VPS54: variants seen among roughly 807,000 people sequenced by gnomAD.
VPS54 encodes VPS54 subunit of GARP complex.
VPS54 carries 45 observed loss-of-function variants against 121.5 expected under a neutral mutation model. The observed-to-expected ratio is 0.37, with a 90% CI of 0.29 to 0.47. The LOEUF (loss-of-function observed/expected upper bound fraction) is 0.47, where lower values mean the gene tolerates loss of function less well. VPS54 is among the 20% of genes least tolerant of loss of function. The probability of loss-of-function intolerance (pLI) is 0.99; values close to 1 mark genes in which losing one functional copy is unlikely to be tolerated. For synonymous variants in VPS54, 371 were observed against 385.8 expected (o/e 0.96, Z 0.45); for missense variants, 1,090 against 1,131.4 (o/e 0.96, Z 0.52).
At chr2:64,000,358 T>C (rs1031529635) in intron 1 of VPS54, among the ~76,000 whole-genome samples, 4 of 152,254 alleles carry the variant, frequency 2.6e-5, no homozygotes, top group African/African-American at 9.6e-5. Context: ...GTTTGAAAGG[T>C]CACATAACTC....
At chr2:63,934,078 A>G (rs1443038512) in intron 11 of VPS54, 65 bp from the exon 12 acceptor site, 6 of 1,402,902 alleles carry the variant, frequency 4.3e-6, no homozygotes, top group Non-Finnish European at 5.8e-6. Context: ...TTCCCAAAAG[A>G]GAATTCTGTG....
intron 12 of VPS54, among the ~76,000 whole-genome samples, chr2:63,930,273 C>T (rs774910087): frequency 2.7e-4 from 41 of 152,062 alleles, no homozygotes; most frequent in Non-Finnish European, 4.3e-4. Flanking sequence ...AACAAAATAC[C>T]GGCAAACCGA....
intron 6 of VPS54, among the ~76,000 whole-genome samples, chr2:63,963,265 A>AT (rs947910197): frequency 3.3e-5 from 5 of 152,044 alleles, no homozygotes; most frequent in African/African-American, 1.2e-4. Flanking sequence ...GCTCATATAT[A>AT]TTTTTTTAGT....
intron 6 of VPS54, among the ~76,000 whole-genome samples, chr2:63,963,461 C>T (rs890954314): frequency 6.6e-6 from 1 of 152,022 alleles, no homozygotes; most frequent in Admixed American, 6.6e-5. Flanking sequence ...ACAGCTCAGA[C>T]TTCGGGCATT....
At chr2:63,907,945 T>C (rs1045033972) in intron 20 of VPS54, among the ~76,000 whole-genome samples, 1 of 152,204 alleles carries the variant, frequency 6.6e-6, no homozygotes, top group East Asian at 1.9e-4. Context: ...CTCTTCTACA[T>C]GGCAAGTAAA....
intron 11 of VPS54, among the ~76,000 whole-genome samples, chr2:63,939,804 A>G (rs1051510328): frequency 4.6e-5 from 7 of 151,204 alleles, no homozygotes; most frequent in African/African-American, 1.5e-4. Flanking sequence ...CTCCGTCACC[A>G]GGCTGGAGTA....
Position 63,892,229 on chromosome 2 carries a change from A to G in VPS54, c.*1201T>C, listed in dbSNP as rs1353669874. 2.6e-5 allele frequency: 4 copies of G among 152,224 alleles called. No individual in the cohort carries two copies. Among genetic ancestry groups the G allele is most frequent in the Non-Finnish European group, 5.9e-5 (4 of 68,032 alleles). The allele number at this position is 152,224 out of a possible 1,614,324, so 9.4% of individuals were successfully genotyped here. On this transcript the variant is annotated 3_prime_UTR_variant, in exon 23 of 23. Coordinates refer to ENST00000272322, the MANE Select transcript of VPS54 (RefSeq NM_016516.3). ...TCTGTAATGATAAAGGAAAGAAAACAAGCTTTCCTTTTAAGAAACCAAAGA... is the reference window on the plus strand; with the variant it reads ...TCTGTAATGATAAAGGAAAGAAAACGAGCTTTCCTTTTAAGAAACCAAAGA...
rs1490685628 is a variant in VPS54, at chr2:63,893,555, TTA to T, written c.2829-22_2829-21del. The stretch of plus-strand genomic sequence containing the variant: ...ACCAACCTAAATAATGGAGAGAAAA[TTA>T]TTTTTTAAATCTCAAACTTTCTATT... On this transcript the variant is annotated intron_variant, in intron 22 of 22. Coordinates refer to ENST00000272322, the MANE Select transcript of VPS54 (RefSeq NM_016516.3). 2 of 1,594,144 alleles carry T rather than the reference TTA, an allele frequency of 1.3e-6. No individual in the cohort carries two copies. The highest frequency in any genetic ancestry group is 1.7e-6 in the Non-Finnish European group (2 of 1,168,582).
At chr2:63,913,700 A>G (rs1039884817) in intron 17 of VPS54, 5 of 356,660 alleles carry the variant, frequency 1.4e-5, no homozygotes, top group Non-Finnish European at 2.0e-5. Context: ...TTTGAAAAAA[A>G]TAATAAAGCA....
chr2:63,894,800 T>C (rs1238276012), intron 22 of VPS54, among the ~76,000 whole-genome samples: 1 of 151,904 alleles, frequency 6.6e-6, no homozygotes, highest in Admixed American at 6.6e-5. Context: ...AAATGCCTAG[T>C]AGAAAGCAAG....
intron 1 of VPS54, among the ~76,000 whole-genome samples, chr2:64,015,741 T>C (rs1013168882): frequency 1.3e-5 from 2 of 150,612 alleles, no homozygotes; most frequent in Admixed American, 1.3e-4. Context: ...CTGTTAATTA[T>C]ATTTTTTTAA....
intron 1 of VPS54, among the ~76,000 whole-genome samples, chr2:64,014,367 G>A (rs1488064874): frequency 1.3e-5 from 2 of 152,050 alleles, no homozygotes; most frequent in Non-Finnish European, 2.9e-5. Context: ...ATATTTTCAA[G>A]TCTTCTCAAA....
At chr2:63,957,242 G>A (rs1025671092) in intron 7 of VPS54, among the ~76,000 whole-genome samples, 18 of 151,740 alleles carry the variant, frequency 1.2e-4, no homozygotes, top group South Asian at 4.2e-4. Flanking sequence ...GGAGATCGAG[G>A]CCATCCTGGC....
intron 13 of VPS54, 56 bp downstream of exon 13, chr2:63,921,150 C>T: frequency 6.6e-7 from 1 of 1,524,324 alleles, no homozygotes; most frequent in Non-Finnish European, 8.8e-7. Context: ...AGACATAATT[C>T]CAGATCTTCA....
rs756877395 is a variant in VPS54 at position 63,921,299 on chromosome 2, T to A, written c.1776A>T (p.Leu592=). The change falls in exon 13 of 23, where the codon CTA becomes CTT. Residue 592 remains leucine (L), a synonymous_variant. Coordinates refer to ENST00000272322, the MANE Select transcript of VPS54 (RefSeq NM_016516.3). ...CCTGGATATTATTTGCCAGCTTTCC[T>A]AGCTCTGAGTCAGTTAATTTCATAT... is the stretch of plus-strand genomic sequence containing the variant. ...SEDMKLTDSE[L]GKLANNIQEL... is the part of the protein sequence containing the mutation. The A allele has an allele frequency of 6.2e-7, 1 of 1,613,030 alleles. No individual in the cohort carries two copies. The highest frequency in any genetic ancestry group is 8.5e-7 in the Non-Finnish European group (1 of 1,179,470).
intron 7 of VPS54, among the ~76,000 whole-genome samples, chr2:63,956,207 TTAC>T (rs1418178054): frequency 6.6e-6 from 1 of 152,168 alleles, no homozygotes; most frequent in African/African-American, 2.4e-5. Flanking sequence ...GGATGTTTTC[TTAC>T]TACAATATTT....
chr2:63,996,124 G>A (rs1265979341), intron 1 of VPS54, among the ~76,000 whole-genome samples: 2 of 152,208 alleles, frequency 1.3e-5, no homozygotes, highest in African/African-American at 2.4e-5. Flanking sequence ...TAAAAAGAAA[G>A]GGAGAGATGT....
chr2:63,921,463 C>T, intron 12 of VPS54, 128 bp from the exon 13 acceptor site: 1 of 923,246 alleles, frequency 1.1e-6, no homozygotes. Flanking sequence ...TATGATGTAC[C>T]AAATATCTTA....
intron 1 of VPS54, among the ~76,000 whole-genome samples, chr2:63,996,970 T>G (rs1336565216): frequency 6.6e-6 from 1 of 152,214 alleles, no homozygotes; most frequent in East Asian, 1.9e-4. Context: ...AAAAACTTGC[T>G]GGTTTTATGG....
Sources: allele counts gnomAD v4.1 joint callset (sites outside exome capture counted in the v4.1 genomes callset), GRCh38; gene constraint gnomAD v4.1.1; transcripts MANE v1.5; gene names NCBI Gene and HGNC (gene_info 2026-07-23, HGNC 2026-07-21).